ADAMTSL1: variants seen among roughly 807,000 people sequenced by gnomAD.
The protein encoded by ADAMTSL1 is ADAMTS-like protein 1.
In ADAMTSL1, 126 loss-of-function variants were observed where a neutral mutation model predicts 201.8. The ratio of observed to expected loss-of-function variants is 0.62; its 90% CI spans 0.54 to 0.72. The LOEUF is 0.72. Among genes scored for constraint, ADAMTSL1 ranks in the 30% least tolerant of loss-of-function variants. The pLI, the probability that ADAMTSL1 is intolerant of heterozygous loss-of-function variation, is 0.00. For synonymous variants in ADAMTSL1, 1,121 were observed against 903.4 expected (o/e 1.24, Z -4.32); for missense variants, 2,679 against 2,277.8 (o/e 1.18, Z -3.59).
intron 13 of ADAMTSL1, among the ~76,000 whole-genome samples, chr9:18,698,716 T>C (rs1010800138): frequency 1.3e-5 from 2 of 152,170 alleles, no homozygotes; most frequent in Non-Finnish European, 2.9e-5. Flanking sequence ...GAAGAAGTAT[T>C]TCAAGAAGAA....
intron 1 of ADAMTSL1, among the ~76,000 whole-genome samples, chr9:18,020,502 C>T (rs907179821): frequency 6.6e-6 from 1 of 152,054 alleles, no homozygotes; most frequent in Admixed American, 6.6e-5. Flanking sequence ...GAGATCTTCC[C>T]TTCTTCCAGT....
chr9:17,980,728 G>C (rs557544284), intron 1 of ADAMTSL1, among the ~76,000 whole-genome samples: 120 of 152,204 alleles, frequency 7.9e-4, no homozygotes, highest in Non-Finnish European at 1.6e-3. Context: ...TGAGAATACT[G>C]TCTTAGTCTG....
At chr9:17,962,083 A>G (rs1381105979) in intron 1 of ADAMTSL1, among the ~76,000 whole-genome samples, 1 of 152,230 alleles carries the variant, frequency 6.6e-6, no homozygotes, top group East Asian at 1.9e-4. Context: ...ACATAGCTAG[A>G]GGTTGAGGGT....
chr9:18,341,547 C>G (rs1315328259), intron 2 of ADAMTSL1, among the ~76,000 whole-genome samples: 2 of 152,146 alleles, frequency 1.3e-5, no homozygotes, highest in Non-Finnish European at 2.9e-5. Context: ...GCCCTTTTGA[C>G]TTCCTATATG....
At position 18,495,875 on chromosome 9, in the gene ADAMTSL1, C is replaced by T. The variant is rs142922832; in HGVS notation, c.64-8954C>T. 6.6e-5 allele frequency among the ~76,000 whole-genome samples: 10 copies of T among 152,118 alleles called. No individual in the cohort carries two copies. In the East Asian group the frequency reaches 1.4e-3, roughly 21 times the overall value. ...ATTTCTCATGGTCTTGCTTTCTCCC[C>T]CACTTTATGCTTACTCTATGCCCTA... On this transcript the variant is annotated intron_variant, in intron 1 of 28. Coordinates refer to ENST00000380548, the MANE Select transcript of ADAMTSL1 (RefSeq NM_001040272.6).
intron 1 of ADAMTSL1, among the ~76,000 whole-genome samples, chr9:18,104,621 C>T (rs1186806083): frequency 6.6e-6 from 1 of 152,076 alleles, no homozygotes; most frequent in East Asian, 1.9e-4. Flanking sequence ...GAGGGATGAA[C>T]AATTACCTGT....
intron 7 of ADAMTSL1, among the ~76,000 whole-genome samples, chr9:18,641,363 A>G (rs1020088867): frequency 3.9e-5 from 6 of 152,078 alleles, no homozygotes; most frequent in Non-Finnish European, 7.4e-5. Context: ...CTGGATAAAT[A>G]AAGAATTTTT....
chr9:18,179,506 GATTC>G (rs1828352804), intron 2 of ADAMTSL1, among the ~76,000 whole-genome samples: 1 of 152,102 alleles, frequency 6.6e-6, no homozygotes, highest in Non-Finnish European at 1.5e-5. Flanking sequence ...CCAACATTCA[GATTC>G]AGAAAATACA....
chr9:18,559,491 C>A (rs1372308778), intron 3 of ADAMTSL1, among the ~76,000 whole-genome samples: 1 of 152,220 alleles, frequency 6.6e-6, no homozygotes, highest in Admixed American at 6.5e-5. Context: ...GCTATATGAG[C>A]TCTTTTTTGG....
intron 4 of ADAMTSL1, among the ~76,000 whole-genome samples, chr9:18,607,945 T>C (rs959796113): frequency 3.3e-5 from 5 of 152,208 alleles, no homozygotes; most frequent in African/African-American, 4.8e-5. Flanking sequence ...CCATGGTGTA[T>C]TTGTGCCACA....
intron 7 of ADAMTSL1, among the ~76,000 whole-genome samples, chr9:18,655,165 C>T (rs10963712): frequency 0.017 from 2,524 of 152,314 alleles, 29 homozygotes; most frequent in Middle Eastern, 0.024. Flanking sequence ...CTGGAAAAGC[C>T]TTTGTGTGCT....
At chr9:18,178,042 A>G (rs1339567699) in intron 2 of ADAMTSL1, among the ~76,000 whole-genome samples, 3 of 152,230 alleles carry the variant, frequency 2.0e-5, no homozygotes, top group African/African-American at 7.2e-5. Flanking sequence ...CCGAATAGGA[A>G]CAGCTCCAGT....
rs1032271525 is a variant in ADAMTSL1 at position 18,822,475 on chromosome 9, G to C, written c.3935-3809G>C. ...CTCTCAAGAGTCAGGCTAGTATAAT[G>C]GCAGGCGGTGTACACTTGTTAAGAT... On this transcript the variant is annotated intron_variant, in intron 21 of 28. Transcript: ENST00000380548. Among the ~76,000 whole-genome samples, 5 of 152,306 alleles carry C rather than the reference G, an allele frequency of 3.3e-5. No individual in the cohort carries two copies. The South Asian group carries it at 1.0e-3, about 32-fold the overall frequency.
intron 2 of ADAMTSL1, among the ~76,000 whole-genome samples, chr9:18,354,103 T>C (rs1836101401): frequency 6.7e-6 from 1 of 149,594 alleles, no homozygotes; most frequent in Non-Finnish European, 1.5e-5. Flanking sequence ...TTTGCTAAAA[T>C]AAGATCATGT....
At chr9:18,539,070 A>C (rs914186516) in intron 3 of ADAMTSL1, among the ~76,000 whole-genome samples, 7 of 152,188 alleles carry the variant, frequency 4.6e-5, no homozygotes, top group Non-Finnish European at 7.3e-5. Flanking sequence ...GATGGGAAGT[A>C]GGCTACTAAA....
chr9:18,862,606 C>T (rs1827279543), intron 23 of ADAMTSL1, among the ~76,000 whole-genome samples: 1 of 152,258 alleles, frequency 6.6e-6, no homozygotes, highest in South Asian at 2.1e-4. Context: ...TCTTGGTGTG[C>T]GTGATAGATA....
chr9:18,416,181 T>G (rs1029653029), intron 2 of ADAMTSL1, among the ~76,000 whole-genome samples: 1 of 152,114 alleles, frequency 6.6e-6, no homozygotes, highest in Non-Finnish European at 1.5e-5. Flanking sequence ...TAAATGCCTA[T>G]AAATGATAAT....
intron 1 of ADAMTSL1, among the ~76,000 whole-genome samples, chr9:18,047,169 T>G (rs12346468): frequency 0.052 from 7,896 of 152,190 alleles, 589 homozygotes; most frequent in African/African-American, 0.17. Context: ...CACTAGTTAT[T>G]TGCACACAGA....
intron 1 of ADAMTSL1, among the ~76,000 whole-genome samples, chr9:18,021,340 A>G (rs1235228048): frequency 1.3e-5 from 2 of 152,172 alleles, no homozygotes; most frequent in African/African-American, 4.8e-5. Flanking sequence ...AAATCATTTT[A>G]AAAAGGAAAA....
Sources: allele counts gnomAD v4.1 joint callset (sites outside exome capture counted in the v4.1 genomes callset), GRCh38; gene constraint gnomAD v4.1.1; transcripts MANE v1.5; gene names NCBI Gene and HGNC (gene_info 2026-07-23, HGNC 2026-07-21).